Variants in MBP observed in about 807,000 individuals in gnomAD.
The protein encoded by MBP is Golli-MBP.
In MBP, 16 loss-of-function variants were observed where a neutral mutation model predicts 35.8. The ratio of observed to expected loss-of-function variants is 0.45; its 90% CI spans 0.30 to 0.68. MBP has a LOEUF of 0.68. MBP is among the 30% of genes least tolerant of loss of function. MBP has a pLI of 0.08. For missense variants in MBP, 380 were observed against 404.7 expected (o/e 0.94, Z 0.52); for synonymous variants, 143 against 159.6 (o/e 0.90, Z 0.78).
rs749693676 is a variant in MBP, at chr18:77,029,474, C to T, written c.140-12206G>A. Among the ~76,000 whole-genome samples, 55 of 135,892 alleles carry T rather than the reference C, an allele frequency of 4.0e-4. 1 individual carries two copies. The highest frequency in any genetic ancestry group is 2.9e-4 in the Admixed American group (4 of 13,682). The allele number at this position is 135,892 out of a possible 152,430, so 89.2% of individuals were successfully genotyped here. The stretch of plus-strand genomic sequence containing the variant: ...GGGGAGGGGGAGGGGGAGAGGGACC[C>T]CAGCTAATTTTTTAAACTTTTTGCA... On this transcript the variant is annotated intron_variant, in intron 3 of 8. Transcript: ENST00000355994.
At chr18:76,985,270 T>C in intron 7 of MBP, 1 of 1,325,928 alleles carries the variant, frequency 7.5e-7, no homozygotes, top group South Asian at 1.2e-5. Flanking sequence ...AGGAGGCTCC[T>C]GCCTACACGG....
chr18:76,986,895 C>A (rs1400881810), intron 7 of MBP: 5 of 985,246 alleles, frequency 5.1e-6, no homozygotes, highest in Non-Finnish European at 4.8e-6. Context: ...TTTGGGGAAC[C>A]TAGAATGTAC....
rs1182519236 is a variant in MBP at position 77,131,209 on chromosome 18, C to G, written c.-26+1371G>C. 6.6e-6 allele frequency among the ~76,000 whole-genome samples: 1 copy of G among 152,096 alleles called. No homozygotes were observed. The highest frequency in any genetic ancestry group is 2.4e-5 in the African/African-American group (1 of 41,412). On this transcript the variant is annotated intron_variant, in intron 1 of 8. Coordinates refer to ENST00000355994, the MANE Select transcript of MBP (RefSeq NM_001025101.2). The surrounding 1 kb of genome is among the most constrained non-coding windows in gnomAD (Gnocchi z 5.5). ...CTCAGCCGTGACCACAGCCCCGGCC[C>G]CAACCGCTAAGGAGGTGCTCATCAC...
chr18:76,980,715 T>C (rs902680479), intron 8 of MBP: 2 of 538,570 alleles, frequency 3.7e-6, no homozygotes, highest in African/African-American at 1.9e-5. Context: ...CCCCAGGGAG[T>C]GGTGCCTGGC....
In MBP at chr18:77,105,292, A is replaced by G; in HGVS notation, c.-25-6T>C. On this transcript the variant is annotated splice_polypyrimidine_tract_variant and splice_region_variant and intron_variant, in intron 1 of 8. Transcript: ENST00000355994. ...ATGGATTGGCTCTTCAGAGGCTAAA[A>G]GAGAAAGAGAAAGTGTCAGCCCTAA... The G allele has an allele frequency of 6.4e-7, 1 of 1,571,124 alleles. No individual in the cohort carries two copies. The highest frequency in any genetic ancestry group is 8.8e-7 in the Non-Finnish European group (1 of 1,141,784).
intron 2 of MBP, among the ~76,000 whole-genome samples, chr18:77,069,824 A>G (rs1212175229): frequency 6.6e-6 from 1 of 152,180 alleles, no homozygotes; most frequent in Non-Finnish European, 1.5e-5. Context: ...TATCCCTCAC[A>G]CCAAAGCGGC....
At chr18:77,049,960 G>A (rs1044735909) in intron 3 of MBP, among the ~76,000 whole-genome samples, 7 of 152,172 alleles carry the variant, frequency 4.6e-5, no homozygotes, top group Admixed American at 2.6e-4. Context: ...GATTACAGGC[G>A]TGAGCCACTG....
intron 4 of MBP, chr18:77,016,117 C>G (rs1971610485): frequency 2.0e-6 from 2 of 984,914 alleles, no homozygotes; most frequent in South Asian, 9.4e-5. Context: ...CAATCAACTG[C>G]AGAAACCACT....
chr18:77,122,887 T>A (rs1976932647), intron 1 of MBP, among the ~76,000 whole-genome samples: 1 of 152,216 alleles, frequency 6.6e-6, no homozygotes, highest in African/African-American at 2.4e-5. Flanking sequence ...CTAGTCGTCA[T>A]CATCCAGTCT....
At chr18:77,039,968 C>A (rs979412035) in intron 3 of MBP, among the ~76,000 whole-genome samples, 1 of 152,176 alleles carries the variant, frequency 6.6e-6, no homozygotes, top group African/African-American at 2.4e-5. Context: ...AGCATGACTG[C>A]GCATGCACTT....
intron 4 of MBP, among the ~76,000 whole-genome samples, chr18:76,993,550 CAAAAAAAAA>C (rs60296914): frequency 1.8e-5 from 2 of 112,836 alleles, no homozygotes; most frequent in African/African-American, 3.3e-5. Context: ...ACTTTGTCTC[CAAAAAAAAA>C]AAAAAAAAAC....
chr18:77,053,524 C>T (rs370148219), intron 3 of MBP, among the ~76,000 whole-genome samples: 2 of 151,892 alleles, frequency 1.3e-5, no homozygotes, highest in South Asian at 2.1e-4. Flanking sequence ...ACCCCACATG[C>T]TATGTGCACA....
Position 77,118,582 on chromosome 18 carries a change from C to A in MBP, c.-25-13296G>T, listed in dbSNP as rs185421746. ...GCTGGATTCCAACACACAGGCCACC[C>A]GCCCCACCCACACACACACTCCACA... On this transcript the variant is annotated intron_variant, in intron 1 of 8. Transcript: ENST00000355994. Among the ~76,000 whole-genome samples, 76 of 151,496 alleles carry A rather than the reference C, an allele frequency of 5.0e-4. No individual in the cohort carries two copies. In the Middle Eastern group the frequency reaches 0.01, roughly 20 times the overall value.
At chr18:77,117,408 A>G (rs1976704555) in intron 1 of MBP, among the ~76,000 whole-genome samples, 1 of 152,220 alleles carries the variant, frequency 6.6e-6, no homozygotes, top group Non-Finnish European at 1.5e-5. Flanking sequence ...TAAAAAGATC[A>G]GTAGCCTTCA....
In MBP at chr18:76,988,533, T is replaced by A; in HGVS notation, c.718-6A>T. ...CTCAGGGACAGTCCTCTCCCCTGCATGAGGAAGACAGAGAAATAATGACAT... is the reference window on the plus strand; with the variant it reads ...CTCAGGGACAGTCCTCTCCCCTGCAAGAGGAAGACAGAGAAATAATGACAT... On this transcript the variant is annotated splice_polypyrimidine_tract_variant and splice_region_variant and intron_variant, in intron 6 of 8. Transcript: ENST00000355994. The surrounding 1 kb of genome is among the most constrained non-coding windows in gnomAD (Gnocchi z 5.2). 1 of 1,610,066 alleles carries A rather than the reference T, an allele frequency of 6.2e-7. No homozygotes were observed.
intron 3 of MBP, among the ~76,000 whole-genome samples, chr18:77,042,036 C>G (rs55645483): frequency 1.9e-3 from 289 of 152,264 alleles, no homozygotes; most frequent in Admixed American, 3.7e-3. Flanking sequence ...GGCGCACTTT[C>G]TAGTCATCAC....
Position 77,131,079 on chromosome 18 carries a change from GCACGCGCACACA to G in MBP, c.-26+1489_-26+1500del, listed in dbSNP as rs1303772939. Reference sequence around the variant, plus strand: ...AAACAAAACACACACACGCGCGCACGCACGCGCACACACACACACACACACACACACACACAC... The same window carrying G: ...AAACAAAACACACACACGCGCGCACGCACACACACACACACACACACACAC... On this transcript the variant is annotated intron_variant, in intron 1 of 8. Transcript: ENST00000355994. The surrounding 1 kb of genome is among the most constrained non-coding windows in gnomAD (Gnocchi z 5.5). 4.6e-4 allele frequency among the ~76,000 whole-genome samples: 18 copies of G among 39,076 alleles called. No individual in the cohort carries two copies. Among genetic ancestry groups the G allele is most frequent in the East Asian group, 2.0e-3 (3 of 1,524 alleles). The allele number at this position is 39,076 out of a possible 152,430, so 25.6% of individuals were successfully genotyped here. A position where few individuals can be genotyped will look rare whatever the true frequency, so the allele number is the denominator to read the frequency against.
intron 2 of MBP, among the ~76,000 whole-genome samples, chr18:77,080,940 C>T (rs138954097): frequency 6.6e-6 from 1 of 152,226 alleles, no homozygotes; most frequent in South Asian, 2.1e-4. Flanking sequence ...GCCTCAACCT[C>T]CCAAAGTGCT....
chr18:77,129,245 C>T (rs1157696742), intron 1 of MBP, among the ~76,000 whole-genome samples: 1 of 152,232 alleles, frequency 6.6e-6, no homozygotes, highest in East Asian at 1.9e-4. Flanking sequence ...GTGCTATTCA[C>T]AGAGTCCAGA....
Sources: gnomAD v4.1 joint callset for allele counts (sites outside exome capture counted in the v4.1 genomes callset) on GRCh38, gnomAD v4.1.1 for gene constraint, Gnocchi (gnomAD v3.1) non-coding constraint, MANE v1.5 for transcripts, NCBI Gene and HGNC (gene_info 2026-07-23, HGNC 2026-07-21) for gene names.